Variants in RELN observed in about 807,000 individuals in gnomAD.
The protein encoded by RELN is reelin.
RELN carries 108 observed loss-of-function variants against 427.6 expected under a neutral mutation model. That is an observed-to-expected ratio of 0.25 (90% CI 0.22 to 0.30). The LOEUF (loss-of-function observed/expected upper bound fraction) is 0.30. RELN is among the 10% of genes least tolerant of loss of function. The probability of loss-of-function intolerance (pLI) is 1.00; values close to 1 mark genes in which losing one functional copy is unlikely to be tolerated. For synonymous variants in RELN, 1,524 were observed against 1,513.4 expected (o/e 1.01, Z -0.16); for missense variants, 3,715 against 4,302.8 (o/e 0.86, Z 3.82).
intron 11 of RELN, among the ~76,000 whole-genome samples, chr7:103,663,535 A>C (rs78590839): frequency 6.6e-6 from 1 of 152,068 alleles, no homozygotes. Context: ...AGCCTTTTCA[A>C]TTGGCACATT....
intron 1 of RELN, among the ~76,000 whole-genome samples, chr7:103,927,220 T>C (rs1224759338): frequency 6.6e-6 from 1 of 152,186 alleles, no homozygotes; most frequent in African/African-American, 2.4e-5. Context: ...ATTAAGCAAA[T>C]ATTTATAAAG....
intron 50 of RELN, among the ~76,000 whole-genome samples, chr7:103,514,621 T>C (rs1388888025): frequency 6.6e-6 from 1 of 152,116 alleles, no homozygotes; most frequent in Non-Finnish European, 1.5e-5. Context: ...ATTGTGCCAT[T>C]GTACTCCAGC....
rs116838125 is a variant in RELN at position 103,519,325 on chromosome 7, G to A, written c.7860C>T (p.Pro2620=). The A allele has an allele frequency of 3.5e-5, 57 of 1,611,418 alleles. No individual in the cohort carries two copies. The African/African-American group carries it at 4.5e-4, about 13-fold the overall frequency. The change falls in exon 49 of 65, where the codon CCC becomes CCT. Residue 2620 remains proline, a splice_region_variant and synonymous_variant. Transcript: ENST00000428762. ...TAGATATCAAATCGAATACAAACCCGGGCTTACTGTACTGGTCATAGAAAA... is the reference window on the plus strand; with the variant it reads ...TAGATATCAAATCGAATACAAACCCAGGCTTACTGTACTGGTCATAGAAAA... ...MEIFYDQYSK[P]GFVNILLPPD...
rs1828858116 is a variant in RELN, at chr7:103,496,889, C to T, written c.8951-121G>A. On this transcript the variant is annotated intron_variant, in intron 55 of 64. Transcript: ENST00000428762. ...GAAATTTTCAGCCAGGAAATGACAA[C>T]TGATTTTCCTGACTTTGATATTAGG... 2.8e-6 allele frequency: 3 copies of T among 1,085,776 alleles called. No individual in the cohort carries two copies. The Admixed American group carries it at 5.4e-5, about 20-fold the overall frequency. 67.3% of individuals were successfully genotyped at this position (1,085,776 alleles called of 1,614,324 possible). A position where few individuals can be genotyped will look rare whatever the true frequency, so the allele number is the denominator to read the frequency against.
chr7:103,588,959 T>C (rs1420919274), intron 28 of RELN, among the ~76,000 whole-genome samples: 2 of 138,910 alleles, frequency 1.4e-5, no homozygotes, highest in Non-Finnish European at 1.6e-5. Context: ...AGAGTTATAA[T>C]TTGTTTCATG....
At chr7:103,715,201 T>C (rs1360857034) in intron 8 of RELN, among the ~76,000 whole-genome samples, 1 of 152,178 alleles carries the variant, frequency 6.6e-6, no homozygotes, top group Non-Finnish European at 1.5e-5. Context: ...AAATTTTCAT[T>C]CTAAGCATCT....
chr7:103,708,756 G>A (rs1480270826), intron 8 of RELN, among the ~76,000 whole-genome samples: 2 of 152,026 alleles, frequency 1.3e-5, no homozygotes, highest in East Asian at 1.9e-4. Context: ...GACTCTTAAC[G>A]CTGGTTAGTC....
At chr7:103,503,472 C>G (rs75302567) in intron 51 of RELN, among the ~76,000 whole-genome samples, 1 of 152,074 alleles carries the variant, frequency 6.6e-6, no homozygotes, top group Admixed American at 6.5e-5. Context: ...ACTCAGACCC[C>G]GTGCTTCTGC....
rs138478658 is a variant in RELN, at chr7:103,651,953, C to T, written c.1764-164G>A. On this transcript the variant is annotated intron_variant, in intron 14 of 64. Coordinates refer to ENST00000428762, the MANE Select transcript of RELN (RefSeq NM_005045.4). ...TGATTGTTTTCTCTTTCACTAAAGTCTGACCAGCTTTCAAAGGGCAATCAG... is the reference window on the plus strand; with the variant it reads ...TGATTGTTTTCTCTTTCACTAAAGTTTGACCAGCTTTCAAAGGGCAATCAG... 9.0e-3 allele frequency among the ~76,000 whole-genome samples: 1,373 copies of T among 152,188 alleles called. 9 individuals carry two copies. The highest frequency in any genetic ancestry group is 0.021 in the Admixed American group (314 of 15,282).
chr7:103,740,498 C>T (rs370407315), intron 6 of RELN, among the ~76,000 whole-genome samples: 5 of 152,278 alleles, frequency 3.3e-5, no homozygotes, highest in Middle Eastern at 3.4e-3. Context: ...ACAGATAGTA[C>T]ATTCAATATT....
rs961060959 is a variant in RELN, at chr7:103,970,882, G to A, written c.226+18249C>T. Among the ~76,000 whole-genome samples, 8 of 152,170 alleles carry A rather than the reference G, an allele frequency of 5.3e-5. No individual in the cohort carries two copies. In the South Asian group the frequency reaches 6.2e-4, roughly 12 times the overall value. ...TTTTAAAAAGTAGTCAAGGCTAGGCGTGGTGGCTCACGCCTGTAATCCCAG... is the reference window on the plus strand; with the variant it reads ...TTTTAAAAAGTAGTCAAGGCTAGGCATGGTGGCTCACGCCTGTAATCCCAG... On this transcript the variant is annotated intron_variant, in intron 1 of 64. Transcript: ENST00000428762.
intron 31 of RELN, among the ~76,000 whole-genome samples, chr7:103,570,925 A>C (rs2535772): frequency 0.012 from 1,873 of 152,330 alleles, 14 homozygotes; most frequent in African/African-American, 0.018. Flanking sequence ...GTATCAATAA[A>C]AGCACCTAGA....
rs58258672 is a variant in RELN, at chr7:103,664,639, T to C, written c.1290-3112A>G. 5.9e-3 allele frequency among the ~76,000 whole-genome samples: 895 copies of C among 152,294 alleles called. 9 individuals carry two copies. Among genetic ancestry groups the C allele is most frequent in the African/African-American group, 0.021 (867 of 41,570 alleles). On this transcript the variant is annotated intron_variant, in intron 11 of 64. Transcript: ENST00000428762. Reference sequence around the variant, plus strand: ...TTCCTGTTTCCCCACAAGCTTGCCATCACTTCATTTTGTCAAGCTTTTAAA... The same window carrying C: ...TTCCTGTTTCCCCACAAGCTTGCCACCACTTCATTTTGTCAAGCTTTTAAA...
chr7:103,837,880 T>A (rs1793447538), intron 2 of RELN, among the ~76,000 whole-genome samples: 1 of 152,056 alleles, frequency 6.6e-6, no homozygotes, highest in South Asian at 2.1e-4. Context: ...CAAGAAATAT[T>A]TTCTGAATAC....
Position 103,896,910 on chromosome 7 carries a change from G to C in RELN, c.337+20165C>G, listed in dbSNP as rs192262072. ...TGCTAATAAAGACATACCTGAGACT[G>C]CATAACTTTTAAAGAGGTTTAATGG... On this transcript the variant is annotated intron_variant, in intron 2 of 64. Coordinates refer to ENST00000428762, the MANE Select transcript of RELN (RefSeq NM_005045.4). 2.5e-3 allele frequency among the ~76,000 whole-genome samples: 380 copies of C among 152,202 alleles called. 2 individuals carry two copies. The highest frequency in any genetic ancestry group is 8.7e-3 in the African/African-American group (362 of 41,540).
At chr7:103,832,114 T>C (rs1197469708) in intron 3 of RELN, among the ~76,000 whole-genome samples, 3 of 152,148 alleles carry the variant, frequency 2.0e-5, no homozygotes, top group African/African-American at 7.2e-5. Context: ...TTTAGTGATG[T>C]CTGACCCATA....
Position 103,510,927 on chromosome 7 carries a change from C to T in RELN, c.8198G>A (p.Gly2733Asp), listed in dbSNP as rs1296648504. 6.2e-7 allele frequency: 1 copy of T among 1,612,728 alleles called. No individual in the cohort carries two copies. The highest frequency in any genetic ancestry group is 8.5e-7 in the Non-Finnish European group (1 of 1,178,790). The part of the protein sequence containing the change: ...CDSPDGVMLC[G>D]SHDGREVYAV... ...ATACACCTCCCGTCCATCATGACTG[C>T]CACAGAGCATCACACCATCAGGGGA... The change falls in exon 51 of 65, where the codon GGC becomes GAC. Residue 2733 changes from glycine to aspartate, a missense_variant. Physicochemically the swap from Gly to Asp is moderately conservative, Grantham distance 94. Coordinates refer to ENST00000428762, the MANE Select transcript of RELN (RefSeq NM_005045.4).
At chr7:103,734,060 T>C (rs1390420940) in intron 6 of RELN, among the ~76,000 whole-genome samples, 1 of 152,142 alleles carries the variant, frequency 6.6e-6, no homozygotes, top group African/African-American at 2.4e-5. Flanking sequence ...AGTGGTTCAA[T>C]TTTCTTTAGG....
At chr7:103,579,084 C>T (rs1348661233) in intron 28 of RELN, among the ~76,000 whole-genome samples, 1 of 152,116 alleles carries the variant, frequency 6.6e-6, no homozygotes, top group Non-Finnish European at 1.5e-5. Context: ...GGAGCAAAAC[C>T]CAGACATGGT....
Sources: allele counts gnomAD v4.1 joint callset (sites outside exome capture counted in the v4.1 genomes callset), GRCh38; gene constraint gnomAD v4.1.1; transcripts MANE v1.5; gene names NCBI Gene and HGNC (gene_info 2026-07-23, HGNC 2026-07-21).